The following ADCY9 variants were observed in gnomAD, a reference collection of about 807,000 sequenced individuals.
The protein encoded by ADCY9 is adenylate cyclase 9.
In ADCY9, 50 loss-of-function variants were observed where a neutral mutation model predicts 101.5. That is an observed-to-expected ratio of 0.49 (90% CI 0.39 to 0.62). ADCY9 has a LOEUF of 0.62. Ranked by LOEUF, ADCY9 falls within the 20% of genes least tolerant of loss-of-function variation. ADCY9 has a pLI of 0.00. For missense variants in ADCY9, 1,662 were observed against 1,800.4 expected, an observed-to-expected ratio of 0.92 and a Z score of 1.39; for synonymous variants, 905 against 769.3, an observed-to-expected ratio of 1.18 and a Z score of -2.92.
chr16:3,980,151 T>C (rs2056128428), intron 7 of ADCY9, among the ~76,000 whole-genome samples: 1 of 152,278 alleles, frequency 6.6e-6, no homozygotes. Context: ...GGCTCTGTTG[T>C]ACGTGAGGTC....
chr16:4,038,036 G>A (rs1249894808), intron 2 of ADCY9, among the ~76,000 whole-genome samples: 1 of 152,252 alleles, frequency 6.6e-6, no homozygotes, highest in Non-Finnish European at 1.5e-5. Context: ...CAGTTTGGGA[G>A]GCTGAGGTGG....
At chr16:3,954,154 C>T (rs987635375) in intron 5 of ADCY9, among the ~76,000 whole-genome samples, 21 of 152,196 alleles carry the variant, frequency 1.4e-4, no homozygotes, top group African/African-American at 4.1e-4. Flanking sequence ...GCCCCACTGA[C>T]GCACCCCGTC....
chr16:4,062,583 G>A (rs978568017), intron 2 of ADCY9, among the ~76,000 whole-genome samples: 2 of 152,150 alleles, frequency 1.3e-5, no homozygotes, highest in Admixed American at 1.3e-4. Context: ...GGGAGGCTGT[G>A]GCAGGTGGAT....
intron 5 of ADCY9, among the ~76,000 whole-genome samples, chr16:3,989,382 T>A (rs7206387): frequency 6.8e-6 from 1 of 146,700 alleles, no homozygotes; most frequent in African/African-American, 2.6e-5. Flanking sequence ...TTTTTTGGGG[T>A]TTTTTTTTTT....
chr16:4,003,812 C>T (rs983434125), intron 3 of ADCY9, among the ~76,000 whole-genome samples: 1 of 152,020 alleles, frequency 6.6e-6, no homozygotes, highest in African/African-American at 2.4e-5. Flanking sequence ...GTCCGCCTCC[C>T]CTCCGCGACG....
At chr16:3,958,288 C>A (rs188276998), downstream of ADCY9, among the ~76,000 whole-genome samples, 347 of 152,156 alleles carry the variant, frequency 2.3e-3, 3 homozygotes, top group African/African-American at 7.7e-3. Flanking sequence ...ACGCCTGTAA[C>A]CCCAGCACTC....
downstream of ADCY9, among the ~76,000 whole-genome samples, chr16:3,961,933 C>T (rs551303258): frequency 4.0e-5 from 6 of 151,746 alleles, no homozygotes; most frequent in African/African-American, 1.5e-4. Context: ...GGCTGAGGCA[C>T]GAGAATTGAT....
intron 2 of ADCY9, among the ~76,000 whole-genome samples, chr16:4,031,505 C>T (rs1053091567): frequency 1.9e-4 from 29 of 152,088 alleles, no homozygotes; most frequent in African/African-American, 7.0e-4. Context: ...AAATGTTAAC[C>T]ACGGGTCAAT....
chr16:4,046,483 A>G (rs776278761), intron 2 of ADCY9, among the ~76,000 whole-genome samples: 1 of 152,194 alleles, frequency 6.6e-6, no homozygotes, highest in Non-Finnish European at 1.5e-5. Flanking sequence ...TGCAGAACCA[A>G]CAACATTCCC....
chr16:4,100,743 C>CAAA lies in ADCY9; in HGVS notation c.1693+13004_1693+13006dup, dbSNP rs35359235. Among the ~76,000 whole-genome samples the CAAA allele has an allele frequency of 1.8e-3, 211 of 115,014 alleles. 5 individuals are homozygous for CAAA. Among genetic ancestry groups the CAAA allele is most frequent in the South Asian group, 2.9e-3 (10 of 3,462 alleles). 75.5% of individuals were successfully genotyped at this position (115,014 alleles called of 152,430 possible). On this transcript the variant is annotated intron_variant, in intron 2 of 10. Transcript: ENST00000294016. ...GGGCAAAGGAGTGAGACTCTTGTCTCAAAAAAAAAAAAAAAGAAAAGAAAA... is the reference window on the plus strand; with the variant it reads ...GGGCAAAGGAGTGAGACTCTTGTCTCAAAAAAAAAAAAAAAAAAGAAAAGAAAA...
intron 2 of ADCY9, among the ~76,000 whole-genome samples, chr16:4,043,694 A>G (rs2056643330): frequency 6.6e-6 from 1 of 152,158 alleles, no homozygotes; most frequent in Admixed American, 6.5e-5. Context: ...CATCTCAAAA[A>G]TAATAATAAT....
chr16:3,972,250 G>C (rs1294021561), intron 10 of ADCY9, among the ~76,000 whole-genome samples: 1 of 147,152 alleles, frequency 6.8e-6, no homozygotes. Flanking sequence ...TTTTTTTTGA[G>C]ATGGAGTCTT....
chr16:3,972,764 G>A (rs562225574), intron 10 of ADCY9, among the ~76,000 whole-genome samples: 4 of 152,170 alleles, frequency 2.6e-5, no homozygotes, highest in South Asian at 4.2e-4. Flanking sequence ...TGGTCAGGTC[G>A]GGGGAGAGGG....
At chr16:4,019,067 C>T (rs903959324) in intron 2 of ADCY9, among the ~76,000 whole-genome samples, 1 of 151,406 alleles carries the variant, frequency 6.6e-6, no homozygotes, top group Non-Finnish European at 1.5e-5. Context: ...CCTCGACGTC[C>T]TGGGCTCAAG....
chr16:4,015,676 T>C (rs1967308), intron 2 of ADCY9: 119,621 of 152,148 alleles, frequency 0.79, 47,578 homozygotes, highest in Middle Eastern at 0.85. Context: ...GTCTAGATAA[T>C]GGAAATGCTG....
At chr16:3,967,051 T>C in intron 10 of ADCY9, 85 bp from the exon 11 acceptor site, 2 of 1,179,874 alleles carry the variant, frequency 1.7e-6, no homozygotes, top group Non-Finnish European at 1.2e-6. Context: ...CGCAAAGCTT[T>C]GTTGAGTCCA....
intron 2 of ADCY9, among the ~76,000 whole-genome samples, chr16:4,010,171 G>A (rs1354006878): frequency 1.3e-5 from 2 of 152,228 alleles, no homozygotes; most frequent in African/African-American, 2.4e-5. Flanking sequence ...CACAAGGGCT[G>A]CCCTGGGAGC....
At position 3,979,173 on chromosome 16, in the gene ADCY9, C is replaced by T. The variant is rs1436665952; in HGVS notation, c.2622G>A (p.Ser874=). 1.1e-5 allele frequency: 17 copies of T among 1,613,998 alleles called. No homozygotes were observed. Among genetic ancestry groups the T allele is most frequent in the African/African-American group, 1.3e-5 (1 of 74,922 alleles). ...PRHCIGAILV[S]LPALAVYSHV... The stretch of plus-strand genomic sequence containing the variant: ...GGGAGTAGACGGCCAGTGCGGGAAG[C>T]GACACCAGGATGGCCCCGATGCAGT... Residue 874 remains serine, a synonymous_variant, in exon 8 of 11, where the codon TCG becomes TCA. Transcript: ENST00000294016.
intron 2 of ADCY9, among the ~76,000 whole-genome samples, chr16:4,030,222 G>C (rs1371913155): frequency 2.6e-5 from 4 of 152,142 alleles, no homozygotes; most frequent in Admixed American, 6.6e-5. Context: ...AGTATTCACA[G>C]GGATTATTGT....
Sources: gnomAD v4.1 joint callset for allele counts (sites outside exome capture counted in the v4.1 genomes callset) on GRCh38, gnomAD v4.1.1 for gene constraint, MANE v1.5 for transcripts, NCBI Gene and HGNC (gene_info 2026-07-23, HGNC 2026-07-21) for gene names.